The following KCNH8 variants were observed in gnomAD, a reference collection of about 807,000 sequenced individuals.
KCNH8 encodes the protein voltage-gated delayed rectifier potassium channel KCNH8.
In KCNH8, 70 loss-of-function variants were observed where a neutral mutation model predicts 103.6. The ratio of observed to expected loss-of-function variants is 0.68; its 90% confidence interval spans 0.56 to 0.82. The LOEUF is 0.82. Ranked by LOEUF, KCNH8 falls within the 40% of genes least tolerant of loss-of-function variation. KCNH8 has a pLI of 0.00. For missense variants in KCNH8, 1,217 were observed against 1,329.9 expected (o/e 0.92, Z 1.32); for synonymous variants, 498 against 489.4 (o/e 1.02, Z -0.23).
rs560330491 is a variant in KCNH8 at position 19,498,921 on chromosome 3, G to T, written c.2041-11442G>T. The stretch of plus-strand genomic sequence containing the variant: ...GGTCAGGGGTCAGGGACCCACTTGA[G>T]GAGGCAGTCTGCCCGTTCTCAGATC... On this transcript the variant is annotated intron_variant, in intron 11 of 15. Coordinates refer to ENST00000328405, the MANE Select transcript of KCNH8 (RefSeq NM_144633.3). 1.9e-4 allele frequency among the ~76,000 whole-genome samples: 29 copies of T among 152,158 alleles called. No individual in the cohort carries two copies. In the South Asian group the frequency reaches 6.0e-3, roughly 32 times the overall value.
intron 11 of KCNH8, among the ~76,000 whole-genome samples, chr3:19,463,463 G>A (rs939646639): frequency 2.0e-5 from 3 of 151,976 alleles, no homozygotes; most frequent in African/African-American, 7.2e-5. Flanking sequence ...CAAAATATAT[G>A]TACAGGCAAT....
intron 11 of KCNH8, among the ~76,000 whole-genome samples, chr3:19,488,454 A>G (rs973562782): frequency 2.0e-4 from 31 of 152,104 alleles, no homozygotes; most frequent in East Asian, 5.8e-4. Context: ...TGTTTTTGCA[A>G]TTTTTTCCTG....
intron 12 of KCNH8, among the ~76,000 whole-genome samples, chr3:19,512,020 G>A (rs1311387646): frequency 6.6e-6 from 1 of 152,116 alleles, no homozygotes; most frequent in African/African-American, 2.4e-5. Flanking sequence ...TAATCTTAGG[G>A]ATTTTCAGTT....
intron 5 of KCNH8, among the ~76,000 whole-genome samples, chr3:19,378,455 G>C (rs2125122769): frequency 6.6e-6 from 1 of 152,306 alleles, no homozygotes; most frequent in African/African-American, 2.4e-5. Flanking sequence ...TTAAGTATTA[G>C]AAGCAATTTT....
chr3:19,468,042 G>C (rs1052347258), intron 11 of KCNH8, among the ~76,000 whole-genome samples: 19 of 151,986 alleles, frequency 1.3e-4, no homozygotes, highest in African/African-American at 4.6e-4. Context: ...GCCCTTACCT[G>C]ACAGTCTGCT....
At chr3:19,162,277 C>T (rs973751992) in intron 1 of KCNH8, among the ~76,000 whole-genome samples, 2 of 150,894 alleles carry the variant, frequency 1.3e-5, no homozygotes, top group African/African-American at 2.4e-5. Flanking sequence ...TTTGGGATAC[C>T]GAGGCAGGTG....
intron 3 of KCNH8, among the ~76,000 whole-genome samples, chr3:19,315,791 TGGATG>T (rs2065265566): frequency 1.3e-5 from 2 of 151,982 alleles, no homozygotes; most frequent in Non-Finnish European, 2.9e-5. Context: ...ATTCATAATT[TGGATG>T]CAAGTGGTTG....
chr3:19,485,926 T>C (rs1359465559), intron 11 of KCNH8, among the ~76,000 whole-genome samples: 1 of 152,206 alleles, frequency 6.6e-6, no homozygotes, highest in Non-Finnish European at 1.5e-5. Context: ...TAATGCTCCA[T>C]GCACTTGAGA....
chr3:19,353,532 A>G (rs1413661359), intron 5 of KCNH8, among the ~76,000 whole-genome samples: 18 of 152,202 alleles, frequency 1.2e-4, no homozygotes, highest in Admixed American at 1.2e-3. Context: ...AAGCTTATCC[A>G]CCACGATCAA....
chr3:19,152,872 G>A (rs574846636), intron 1 of KCNH8, among the ~76,000 whole-genome samples: 18 of 152,220 alleles, frequency 1.2e-4, no homozygotes, highest in African/African-American at 4.3e-4. Context: ...GGAGGCAGAG[G>A]CTGCAGTGAG....
intron 5 of KCNH8, among the ~76,000 whole-genome samples, chr3:19,353,931 A>T (rs553622343): frequency 1.3e-5 from 2 of 152,340 alleles, no homozygotes; most frequent in South Asian, 4.1e-4. Flanking sequence ...TTAGGAAAAG[A>T]GAAAGTCAAA....
chr3:19,434,171 C>T (rs1435230324), intron 7 of KCNH8, among the ~76,000 whole-genome samples: 1 of 152,132 alleles, frequency 6.6e-6, no homozygotes, highest in African/African-American at 2.4e-5. Context: ...ACAACAAAAA[C>T]ACCCCAAAAA....
In KCNH8 at chr3:19,204,441, T is replaced by A. The variant is rs191104850; in HGVS notation, c.77-49213T>A. ...TGGGGGAAGAGAGAGAGAGAGAGAG[T>A]GTCTGTGTGTGTGTGTTCTGAACGC... On this transcript the variant is annotated intron_variant, in intron 1 of 15. Transcript: ENST00000328405. Among the ~76,000 whole-genome samples, 1,211 of 151,050 alleles carry A rather than the reference T, an allele frequency of 8.0e-3. 13 individuals carry two copies. Among genetic ancestry groups the A allele is most frequent in the African/African-American group, 0.028 (1,137 of 40,838 alleles).
chr3:19,429,162 C>CTTTTT lies in KCNH8; in HGVS notation c.1178-8980_1178-8976dup, dbSNP rs575154927. On this transcript the variant is annotated intron_variant, in intron 7 of 15. Coordinates refer to ENST00000328405, the MANE Select transcript of KCNH8 (RefSeq NM_144633.3). ...AAATGCATATGAGTCAGAATCCACT[C>CTTTTT]TTTTTTTTTTTTTTTTTTTTTTTTT... 2.6e-4 allele frequency among the ~76,000 whole-genome samples: 23 copies of CTTTTT among 89,858 alleles called. 2 individuals are homozygous for CTTTTT. Among genetic ancestry groups the CTTTTT allele is most frequent in the African/African-American group, 9.4e-4 (20 of 21,172 alleles). 59.0% of individuals were successfully genotyped at this position (89,858 alleles called of 152,430 possible).
chr3:19,329,470 T>C (rs914400966), intron 3 of KCNH8, among the ~76,000 whole-genome samples: 1 of 152,124 alleles, frequency 6.6e-6, no homozygotes, highest in Admixed American at 6.6e-5. Flanking sequence ...TTATGGCTTA[T>C]ATTTAGAAAT....
chr3:19,467,648 C>G (rs759879015), intron 11 of KCNH8, among the ~76,000 whole-genome samples: 6 of 152,116 alleles, frequency 3.9e-5, no homozygotes, highest in Non-Finnish European at 7.3e-5. Context: ...CCTACCTGAC[C>G]ATGACAAATG....
chr3:19,320,284 T>A (rs1209186366), intron 3 of KCNH8, among the ~76,000 whole-genome samples: 1 of 152,066 alleles, frequency 6.6e-6, no homozygotes, highest in East Asian at 1.9e-4. Context: ...AGTATAATAT[T>A]GGCTGTGGGT....
chr3:19,254,877 C>A (rs1221820493), intron 2 of KCNH8, among the ~76,000 whole-genome samples: 2 of 152,070 alleles, frequency 1.3e-5, no homozygotes, highest in African/African-American at 2.4e-5. Context: ...GTATTTTGTG[C>A]AATCTCTGGG....
In KCNH8 at chr3:19,287,593, G is replaced by C. The variant is rs905322244; in HGVS notation, c.442+6264G>C. 4.6e-5 allele frequency among the ~76,000 whole-genome samples: 7 copies of C among 151,706 alleles called. No homozygotes were observed. The South Asian group carries it at 1.5e-3, about 32-fold the overall frequency. On this transcript the variant is annotated intron_variant, in intron 3 of 15. Transcript: ENST00000328405. ...ACTTTTTGTTGTTGTTGTTGTTGTT[G>C]TTGTTGTTGTTGAGTTGGAGTCTTG... is the stretch of plus-strand genomic sequence containing the variant.
Sources: allele counts gnomAD v4.1 joint callset (sites outside exome capture counted in the v4.1 genomes callset), GRCh38; gene constraint gnomAD v4.1.1; transcripts MANE v1.5; gene names NCBI Gene and HGNC (gene_info 2026-07-23, HGNC 2026-07-21).